Variants in SIPA1L3 observed in about 807,000 individuals in gnomAD.
SIPA1L3 encodes signal-induced proliferation-associated 1-like protein 3.
A neutral mutation model predicts 150.1 loss-of-function variants in SIPA1L3; 59 were observed. That is an observed-to-expected ratio of 0.39 (90% confidence interval 0.32 to 0.49). The LOEUF is 0.49. Among genes scored for constraint, SIPA1L3 ranks in the 20% least tolerant of loss-of-function variants. The pLI, the probability that SIPA1L3 is intolerant of heterozygous loss-of-function variation, is 0.86. For synonymous variants in SIPA1L3, 1,070 were observed against 1,077.6 expected (o/e 0.99, Z 0.14); for missense variants, 2,211 against 2,489.5 (o/e 0.89, Z 2.38).
rs1415942046 is a variant in SIPA1L3 at position 38,207,889 on chromosome 19, C to T, written c.*1649C>T. On this transcript the variant is annotated 3_prime_UTR_variant, in exon 22 of 22. Coordinates refer to ENST00000222345, the MANE Select transcript of SIPA1L3 (RefSeq NM_015073.3). ...GCTGCCCCTGCCCCCACCCTCACCC[C>T]CAACACCAAGAGTGAGGTGGGCGTG... The T allele has an allele frequency of 6.6e-6, 1 of 152,622 alleles. No individual in the cohort carries two copies. Among genetic ancestry groups the T allele is most frequent in the Non-Finnish European group, 1.5e-5 (1 of 68,046 alleles). 9.5% of individuals were successfully genotyped at this position (152,622 alleles called of 1,614,324 possible). A position where few individuals can be genotyped will look rare whatever the true frequency, so the allele number is the denominator to read the frequency against.
At chr19:38,171,548 A>G (rs1009495820) in intron 15 of SIPA1L3, among the ~76,000 whole-genome samples, 1 of 151,566 alleles carries the variant, frequency 6.6e-6, no homozygotes, top group East Asian at 1.9e-4. Flanking sequence ...ACCTGCCACC[A>G]CGCCCGGCTA....
At chr19:37,947,057 G>C (rs1474467528) in intron 1 of SIPA1L3, among the ~76,000 whole-genome samples, 1 of 152,172 alleles carries the variant, frequency 6.6e-6, no homozygotes, top group Non-Finnish European at 1.5e-5. Context: ...AGCTGGGTGT[G>C]GTGGCGCACA....
chr19:38,152,652 C>T lies in SIPA1L3; in HGVS notation c.3534-188C>T, dbSNP rs112405258. Among the ~76,000 whole-genome samples, 263 of 152,300 alleles carry T rather than the reference C, an allele frequency of 1.7e-3. 3 individuals carry two copies. Among genetic ancestry groups the T allele is most frequent in the African/African-American group, 6.1e-3 (254 of 41,570 alleles). On this transcript the variant is annotated intron_variant, in intron 12 of 21. Coordinates refer to ENST00000222345, the MANE Select transcript of SIPA1L3 (RefSeq NM_015073.3). The stretch of plus-strand genomic sequence containing the variant: ...AGGCTTCCCAGGCGAGACTCTCATC[C>T]CGGACCCGCAGCTAATAGCACGTTT...
intron 8 of SIPA1L3, among the ~76,000 whole-genome samples, chr19:38,116,538 A>AAAAAAAAAAG (rs755877233): frequency 3.5e-5 from 5 of 142,072 alleles, no homozygotes; most frequent in African/African-American, 1.3e-4. Flanking sequence ...AAAAAAAAAA[A>AAAAAAAAAAG]AAAGAAAGAA....
chr19:38,041,030 T>C (rs1417764252), intron 2 of SIPA1L3, among the ~76,000 whole-genome samples: 1 of 152,190 alleles, frequency 6.6e-6, no homozygotes, highest in East Asian at 1.9e-4. Context: ...CCCAAAGTGC[T>C]AGGATTACAG....
rs12150910 is a variant in SIPA1L3, at chr19:37,980,182, A to G, written c.-378-48907A>G. Among the ~76,000 whole-genome samples, 821 of 152,262 alleles carry G rather than the reference A, an allele frequency of 5.4e-3. 2 individuals carry two copies. The highest frequency in any genetic ancestry group is 9.9e-3 in the Non-Finnish European group (672 of 68,024). ...ATTTATATGCTTCAAAATCAATTCT[A>G]TGTGGATGTGTGAGCAGTCTCTGTC... On this transcript the variant is annotated intron_variant, in intron 1 of 21. Coordinates refer to ENST00000222345, the MANE Select transcript of SIPA1L3 (RefSeq NM_015073.3).
Position 38,130,478 on chromosome 19 carries a change from A to G in SIPA1L3, c.2869-20A>G, listed in dbSNP as rs1323402210. 14 of 1,598,774 alleles carry G rather than the reference A, an allele frequency of 8.8e-6. No homozygotes were observed. The highest frequency in any genetic ancestry group is 1.2e-5 in the Non-Finnish European group (14 of 1,171,388). On this transcript the variant is annotated intron_variant, in intron 9 of 21. Coordinates refer to ENST00000222345, the MANE Select transcript of SIPA1L3 (RefSeq NM_015073.3). ...TGACCCAAGCAGCTTCTGAGGCTCGATCCTGCCTGTGGCCTGCAGGTGATG... is the reference window on the plus strand; with the variant it reads ...TGACCCAAGCAGCTTCTGAGGCTCGGTCCTGCCTGTGGCCTGCAGGTGATG...
chr19:38,107,329 C>T (rs1970645400), intron 7 of SIPA1L3, among the ~76,000 whole-genome samples: 1 of 152,168 alleles, frequency 6.6e-6, no homozygotes, highest in Non-Finnish European at 1.5e-5. Flanking sequence ...TCATGCCCAA[C>T]CCTAGAGAGG....
chr19:38,155,485 T>C lies in SIPA1L3; in HGVS notation c.3661+2518T>C, dbSNP rs570086773. Among the ~76,000 whole-genome samples, 7 of 152,380 alleles carry C rather than the reference T, an allele frequency of 4.6e-5. No individual in the cohort carries two copies. The South Asian group carries it at 1.4e-3, about 32-fold the overall frequency. On this transcript the variant is annotated intron_variant, in intron 13 of 21. Coordinates refer to ENST00000222345, the MANE Select transcript of SIPA1L3 (RefSeq NM_015073.3). Reference sequence around the variant, plus strand: ...CCCCATTATTAATCATGTTGTGAACTACTCAGATGAATATTTTAAACATAA... The same window carrying C: ...CCCCATTATTAATCATGTTGTGAACCACTCAGATGAATATTTTAAACATAA...
In SIPA1L3 at chr19:38,130,645, C is replaced by G; in HGVS notation, c.3016C>G (p.Arg1006Gly). 2 of 1,613,746 alleles carry G rather than the reference C, an allele frequency of 1.2e-6. No individual in the cohort carries two copies. Among genetic ancestry groups the G allele is most frequent in the Non-Finnish European group, 1.7e-6 (2 of 1,180,036 alleles). ...AWQAGLRQGS[R>G]LVEICKVAVV... ...GCAGGCCGGCCTCCGGCAGGGCAGCCGACTAGTGGAGATCTGCAAGGTGGC... is the reference window on the plus strand; with the variant it reads ...GCAGGCCGGCCTCCGGCAGGGCAGCGGACTAGTGGAGATCTGCAAGGTGGC... Residue 1006 changes from arginine (R) to glycine (G), a missense_variant, in exon 10 of 22, where the codon CGA becomes GGA. Around this residue, in one of 5 missense-constraint regions of SIPA1L3, gnomAD observed 625 missense variants for 804.2 expected, o/e 0.78. Transcript: ENST00000222345.
intron 20 of SIPA1L3, 46 bp downstream of exon 20, chr19:38,202,043 T>C (rs1600211102): frequency 1.3e-6 from 2 of 1,554,558 alleles, no homozygotes; most frequent in South Asian, 1.2e-5. Flanking sequence ...GCGGCAGGCC[T>C]GTGCAGTGGA....
intron 13 of SIPA1L3, among the ~76,000 whole-genome samples, chr19:38,157,138 C>G (rs936979938): frequency 9.2e-5 from 14 of 152,112 alleles, no homozygotes; most frequent in African/African-American, 3.4e-4. Context: ...CCAGCCTGGC[C>G]GACAGAGCAA....
intron 3 of SIPA1L3, 26 bp downstream of exon 3, chr19:38,083,125 G>T: frequency 3.1e-6 from 5 of 1,587,856 alleles, no homozygotes; most frequent in Non-Finnish European, 4.3e-6. Context: ...TGGGTGGGAA[G>T]GTTGGGTGGG....
intron 2 of SIPA1L3, among the ~76,000 whole-genome samples, chr19:38,044,802 G>A (rs748961555): frequency 2.6e-5 from 4 of 152,160 alleles, no homozygotes; most frequent in Non-Finnish European, 5.9e-5. Context: ...GTCCCCAGAT[G>A]ATGATGGGGA....
chr19:38,099,714 G>A (rs1010203862), intron 4 of SIPA1L3, among the ~76,000 whole-genome samples: 4 of 152,076 alleles, frequency 2.6e-5, no homozygotes, highest in Non-Finnish European at 4.4e-5. Context: ...TCAAGGTTAC[G>A]ATACCATCCT....
chr19:37,990,462 G>A (rs1342038889), intron 1 of SIPA1L3, among the ~76,000 whole-genome samples: 2 of 152,210 alleles, frequency 1.3e-5, no homozygotes, highest in Non-Finnish European at 2.9e-5. Flanking sequence ...AGCCAGGTCC[G>A]ATGGGATCTG....
intron 1 of SIPA1L3, among the ~76,000 whole-genome samples, chr19:37,967,063 A>G (rs2046910174): frequency 6.6e-6 from 1 of 152,072 alleles, no homozygotes; most frequent in Non-Finnish European, 1.5e-5. Flanking sequence ...TCTGAGATCA[A>G]GGTCTGGGCT....
In SIPA1L3 at chr19:38,003,520, G is replaced by C. The variant is rs556569082; in HGVS notation, c.-378-25569G>C. On this transcript the variant is annotated intron_variant, in intron 1 of 21. Coordinates refer to ENST00000222345, the MANE Select transcript of SIPA1L3 (RefSeq NM_015073.3). ...CCAGATGGGCGTTGCTATGGAAGCA[G>C]CTTGCACCTCTCACTTCCTGACTTG... Among the ~76,000 whole-genome samples, 140 of 152,340 alleles carry C rather than the reference G, an allele frequency of 9.2e-4. 2 individuals are homozygous for C. In the South Asian group the frequency reaches 0.028, roughly 30 times the overall value.
intron 1 of SIPA1L3, among the ~76,000 whole-genome samples, chr19:37,971,274 C>T (rs1966925111): frequency 6.6e-6 from 1 of 151,980 alleles, no homozygotes; most frequent in South Asian, 2.1e-4. Flanking sequence ...AGCCACTGCA[C>T]CTGGCATATT....
Sources: gnomAD v4.1 joint callset for allele counts (sites outside exome capture counted in the v4.1 genomes callset) on GRCh38, gnomAD v4.1.1 for gene constraint, gnomAD v4.1.1 regional missense constraint, MANE v1.5 for transcripts, NCBI Gene and HGNC (gene_info 2026-07-23, HGNC 2026-07-21) for gene names.